The following ATP10B variants were observed in gnomAD, a reference collection of about 807,000 sequenced individuals.
ATP10B encodes the protein ATPase phospholipid transporting 10B (putative).
ATP10B carries 122 observed loss-of-function variants against 141.2 expected under a neutral mutation model. That is an observed-to-expected ratio of 0.86 (90% confidence interval 0.75 to 1.00). The LOEUF (loss-of-function observed/expected upper bound fraction) is 1.00, where lower values mean the gene tolerates loss of function less well. Ranked by LOEUF, ATP10B falls within the 50% of genes least tolerant of loss-of-function variation. The pLI is 0.00. For synonymous variants in ATP10B, 685 were observed against 692.0 expected (o/e 0.99, Z 0.16); for missense variants, 1,876 against 1,825.3 (o/e 1.03, Z -0.51).
chr5:160,758,203 G>A (rs957609430), intron 2 of ATP10B, among the ~76,000 whole-genome samples: 9 of 152,010 alleles, frequency 5.9e-5, no homozygotes, highest in Non-Finnish European at 1.2e-4. Context: ...CCATCACAGC[G>A]GGTATTTAAA....
At chr5:160,878,974 G>A in the ATP10B span, among the ~76,000 whole-genome samples, 4 of 136,162 alleles carry the variant, frequency 2.9e-5, no homozygotes, top group South Asian at 2.8e-4. Flanking sequence ...GGAAGTCAGT[G>A]TGGCGATTCC....
At chr5:160,825,163 C>T (rs1704283445) in intron 1 of ATP10B, among the ~76,000 whole-genome samples, 1 of 152,194 alleles carries the variant, frequency 6.6e-6, no homozygotes, top group Non-Finnish European at 1.5e-5. Flanking sequence ...CTACATATTT[C>T]CTGTGTTCCA....
chr5:160,922,237 G>A, the ATP10B span, among the ~76,000 whole-genome samples: 1 of 152,142 alleles, frequency 6.6e-6, no homozygotes, highest in Non-Finnish European at 1.5e-5. Context: ...TGGCACTGAG[G>A]TCTGGGTTTA....
At chr5:160,649,133 G>A in intron 8 of ATP10B, 38 bp downstream of exon 8, 2 of 1,394,780 alleles carry the variant, frequency 1.4e-6, no homozygotes, top group Non-Finnish European at 2.0e-6. Flanking sequence ...AGCTGCAGCG[G>A]AGATATTTAC....
rs538350438 is a variant in ATP10B at position 160,607,116 on chromosome 5, G to T, written c.2839-30C>A. 4 of 1,565,884 alleles carry T rather than the reference G, an allele frequency of 2.6e-6. No individual in the cohort carries two copies. In the East Asian group the frequency reaches 9.1e-5, roughly 35 times the overall value. Reference sequence around the variant, plus strand: ...AAAGAAGCATAATAATACAGTATTTGTAAGCAACCTTGGAAATGCATGTTA... The same window carrying T: ...AAAGAAGCATAATAATACAGTATTTTTAAGCAACCTTGGAAATGCATGTTA... On this transcript the variant is annotated intron_variant, in intron 18 of 25. Transcript: ENST00000327245.
At chr5:160,707,139 T>C (rs1561775190) in intron 3 of ATP10B, among the ~76,000 whole-genome samples, 1 of 152,018 alleles carries the variant, frequency 6.6e-6, no homozygotes, top group African/African-American at 2.4e-5. Context: ...TTAGTAGAGA[T>C]GGGGTTTCAC....
chr5:160,766,098 G>T (rs62392584), intron 2 of ATP10B, among the ~76,000 whole-genome samples: 7,294 of 152,196 alleles, frequency 0.048, 466 homozygotes, highest in East Asian at 0.33. Context: ...CTTTTACACT[G>T]CTGGTGAGAA....
At chr5:160,899,592 G>T in the ATP10B span, among the ~76,000 whole-genome samples, 2 of 152,180 alleles carry the variant, frequency 1.3e-5, no homozygotes, top group East Asian at 3.9e-4. Flanking sequence ...CCCCAAAAAA[G>T]ATTTATACTT....
chr5:160,682,414 T>C (rs990598774), intron 6 of ATP10B, among the ~76,000 whole-genome samples: 2 of 152,230 alleles, frequency 1.3e-5, no homozygotes, highest in African/African-American at 4.8e-5. Flanking sequence ...GACTAATGTT[T>C]CTTTTTTCTA....
chr5:160,900,995 A>G, the ATP10B span, among the ~76,000 whole-genome samples: 3 of 146,518 alleles, frequency 2.0e-5, no homozygotes, highest in Admixed American at 2.1e-4. Flanking sequence ...TCCAGGAGCA[A>G]CACAATGTGA....
the ATP10B span, among the ~76,000 whole-genome samples, chr5:160,868,159 G>A: frequency 6.6e-6 from 1 of 152,144 alleles, no homozygotes; most frequent in Non-Finnish European, 1.5e-5. Context: ...TGCATCTAGA[G>A]AAGCTGCCAG....
the ATP10B span, among the ~76,000 whole-genome samples, chr5:160,892,226 C>T: frequency 5.3e-5 from 8 of 152,190 alleles, no homozygotes; most frequent in East Asian, 3.9e-4. Context: ...CTGGGATTCA[C>T]GTGATCTGGC....
chr5:160,763,089 T>A (rs533795434), intron 2 of ATP10B, among the ~76,000 whole-genome samples: 4 of 152,084 alleles, frequency 2.6e-5, no homozygotes, highest in South Asian at 2.1e-4. Flanking sequence ...ACCTAAGAAA[T>A]GAGATAGACG....
chr5:160,581,556 G>A (rs1755554863), intron 24 of ATP10B, among the ~76,000 whole-genome samples: 1 of 152,156 alleles, frequency 6.6e-6, no homozygotes, highest in Non-Finnish European at 1.5e-5. Context: ...GCTGACGAGT[G>A]TTTTACTTCC....
At chr5:160,901,310 G>T in the ATP10B span, among the ~76,000 whole-genome samples, 3 of 152,198 alleles carry the variant, frequency 2.0e-5, no homozygotes, top group East Asian at 3.9e-4. Context: ...AGTGTTAAGA[G>T]AAACTTTAAA....
At chr5:160,686,363 A>G in intron 5 of ATP10B, 90 bp from the exon 6 acceptor site, 1 of 959,604 alleles carries the variant, frequency 1.0e-6, no homozygotes, top group Non-Finnish European at 1.5e-6. Flanking sequence ...GGCCTTGATC[A>G]ATTAAACCTT....
At chr5:160,671,113 C>T (rs561600598) in intron 6 of ATP10B, among the ~76,000 whole-genome samples, 3 of 137,628 alleles carry the variant, frequency 2.2e-5, no homozygotes, top group East Asian at 2.2e-4. Flanking sequence ...TGCAGTGAGC[C>T]GAGATTGCGC....
intron 13 of ATP10B, among the ~76,000 whole-genome samples, chr5:160,624,048 A>G (rs1046529708): frequency 1.3e-5 from 2 of 152,218 alleles, no homozygotes; most frequent in Admixed American, 1.3e-4. Flanking sequence ...ATGCTTTCAC[A>G]TAAGACCATT....
chr5:160,807,606 G>C (rs1023156660), intron 1 of ATP10B, among the ~76,000 whole-genome samples: 2 of 152,138 alleles, frequency 1.3e-5, no homozygotes, highest in Admixed American at 6.5e-5. Flanking sequence ...CAATGAAATA[G>C]AATGGAAAAT....
Sources: allele counts gnomAD v4.1 joint callset (sites outside exome capture counted in the v4.1 genomes callset), GRCh38; gene constraint gnomAD v4.1.1; transcripts MANE v1.5; gene names NCBI Gene and HGNC (gene_info 2026-07-23, HGNC 2026-07-21).